Variants in STAU2 observed in about 807,000 individuals in gnomAD.
STAU2 encodes double-stranded RNA-binding protein Staufen homolog 2.
STAU2 carries 20 observed loss-of-function variants against 65.9 expected under a neutral mutation model. That is an observed-to-expected ratio of 0.30 (90% CI 0.21 to 0.44). The LOEUF (loss-of-function observed/expected upper bound fraction) is 0.44. Among genes scored for constraint, STAU2 ranks in the 20% least tolerant of loss-of-function variants. The pLI is 1.00. For missense variants in STAU2, 558 were observed against 683.9 expected (o/e 0.82, Z 2.05); for synonymous variants, 232 against 233.9 (o/e 0.99, Z 0.07).
intron 13 of STAU2, 42 bp downstream of exon 13, chr8:73,551,970 T>C: frequency 3.3e-6 from 5 of 1,520,804 alleles, no homozygotes; most frequent in Non-Finnish European, 4.4e-6. Flanking sequence ...AATCTGAGGC[T>C]AATGAATTGT....
At chr8:73,649,924 C>T (rs1259503772) in intron 6 of STAU2, among the ~76,000 whole-genome samples, 1 of 124,230 alleles carries the variant, frequency 8.0e-6, no homozygotes, top group Non-Finnish European at 1.6e-5. Context: ...AAAGATAGCA[C>T]AGAGTTCCCA....
intron 13 of STAU2, among the ~76,000 whole-genome samples, chr8:73,424,060 C>G (rs146204680): frequency 8.6e-5 from 13 of 151,928 alleles, no homozygotes; most frequent in Admixed American, 6.6e-4. Context: ...CACCTCCCCC[C>G]ACCCCCACCA....
intron 6 of STAU2, among the ~76,000 whole-genome samples, chr8:73,633,336 C>T (rs1814242459): frequency 6.6e-6 from 1 of 152,136 alleles, no homozygotes; most frequent in Admixed American, 6.5e-5. Flanking sequence ...CCACAGCACC[C>T]CCTAACCTCA....
At chr8:73,629,385 G>A (rs980824573) in intron 6 of STAU2, among the ~76,000 whole-genome samples, 2 of 152,104 alleles carry the variant, frequency 1.3e-5, no homozygotes, top group Non-Finnish European at 2.9e-5. Context: ...CCAAGGAATA[G>A]GTATGTTTAA....
intron 12 of STAU2, among the ~76,000 whole-genome samples, chr8:73,564,739 T>C (rs1273495455): frequency 6.6e-6 from 1 of 152,210 alleles, no homozygotes; most frequent in Non-Finnish European, 1.5e-5. Flanking sequence ...TTTGTTATAA[T>C]ATTGATGAGA....
At chr8:73,481,528 A>AACCAAAAAAAACC (rs1554595570) in intron 13 of STAU2, among the ~76,000 whole-genome samples, 1 of 145,356 alleles carries the variant, frequency 6.9e-6, no homozygotes, top group African/African-American at 2.5e-5. Flanking sequence ...AAAAAAAAAA[A>AACCAAAAAAAACC]CACTTTTTTT....
chr8:73,644,653 CA>C (rs1222996472), intron 6 of STAU2, among the ~76,000 whole-genome samples: 2 of 151,956 alleles, frequency 1.3e-5, no homozygotes, highest in Non-Finnish European at 2.9e-5. Flanking sequence ...AGCAATTAAA[CA>C]AAATCTTGGT....
Position 73,425,100 on chromosome 8 carries a change from G to A in STAU2, c.1531-2398C>T, listed in dbSNP as rs149739966. ...GTGGGAGCTGTGTGGCCATCTCCCT[G>A]GATACTGTTATAGGTCGAATTGTGC... On this transcript the variant is annotated intron_variant, in intron 13 of 14. Transcript: ENST00000524300. Among the ~76,000 whole-genome samples, 964 of 152,192 alleles carry A rather than the reference G, an allele frequency of 6.3e-3. 6 individuals carry two copies. The highest frequency in any genetic ancestry group is 6.8e-3 in the Middle Eastern group (2 of 292).
At chr8:73,550,027 T>C in intron 13 of STAU2, 1 of 985,586 alleles carries the variant, frequency 1.0e-6, no homozygotes, top group Non-Finnish European at 1.2e-6. Context: ...GAAGATGGGC[T>C]ATGCATGTGG....
At chr8:73,710,415 C>T (rs1820811024) in intron 3 of STAU2, among the ~76,000 whole-genome samples, 1 of 147,644 alleles carries the variant, frequency 6.8e-6, no homozygotes, top group African/African-American at 2.5e-5. Flanking sequence ...CCAACTTTTC[C>T]TTTTATGGTC....
rs555274380 is a variant in STAU2, at chr8:73,579,019, G to A, written c.1222+3751C>T. ...CAAAAAAACCAAAAAAACACTAGAGGTTCTAAATATAGTACATAGCATTTG... is the reference window on the plus strand; with the variant it reads ...CAAAAAAACCAAAAAAACACTAGAGATTCTAAATATAGTACATAGCATTTG... On this transcript the variant is annotated intron_variant, in intron 12 of 14. Coordinates refer to ENST00000524300, the MANE Select transcript of STAU2 (RefSeq NM_001164380.2). 3.1e-4 allele frequency among the ~76,000 whole-genome samples: 41 copies of A among 134,200 alleles called. No individual in the cohort carries two copies. In the South Asian group the frequency reaches 9.1e-3, roughly 30 times the overall value. 88.0% of individuals were successfully genotyped at this position (134,200 alleles called of 152,430 possible).
At chr8:73,681,251 G>A (rs1174987522) in intron 5 of STAU2, among the ~76,000 whole-genome samples, 3 of 152,050 alleles carry the variant, frequency 2.0e-5, no homozygotes, top group Admixed American at 1.3e-4. Flanking sequence ...AAACCTATCC[G>A]ATAAATAGCA....
At chr8:73,471,808 G>C (rs1472941032) in intron 13 of STAU2, among the ~76,000 whole-genome samples, 1 of 59,604 alleles carries the variant, frequency 1.7e-5, no homozygotes, top group Non-Finnish European at 3.7e-5. Context: ...ACAAGGGCGA[G>C]ACTCCAACTA....
At chr8:73,537,465 G>C (rs1806256685) in intron 13 of STAU2, among the ~76,000 whole-genome samples, 2 of 152,160 alleles carry the variant, frequency 1.3e-5, no homozygotes, top group Admixed American at 6.5e-5. Flanking sequence ...GAAAAATCTT[G>C]AAAGAAGTGA....
intron 13 of STAU2, among the ~76,000 whole-genome samples, chr8:73,512,736 C>T (rs1822481072): frequency 6.6e-6 from 1 of 152,044 alleles, no homozygotes. Flanking sequence ...TTGCTTCTTC[C>T]TTTCAAAGCT....
At chr8:73,476,891 T>C (rs572305888) in intron 13 of STAU2, among the ~76,000 whole-genome samples, 5 of 152,196 alleles carry the variant, frequency 3.3e-5, no homozygotes, top group East Asian at 1.9e-4. Context: ...CTAGGTACCA[T>C]AGAAATGTCA....
At chr8:73,560,940 T>C (rs901410362) in intron 12 of STAU2, among the ~76,000 whole-genome samples, 1 of 152,190 alleles carries the variant, frequency 6.6e-6, no homozygotes, top group Admixed American at 6.5e-5. Context: ...AAATGGAAAG[T>C]ATTTAATAAC....
chr8:73,632,405 T>C (rs1351784334), intron 6 of STAU2, among the ~76,000 whole-genome samples: 1 of 152,156 alleles, frequency 6.6e-6, no homozygotes, highest in Non-Finnish European at 1.5e-5. Flanking sequence ...GGAATCAACA[T>C]GGAGAATTCT....
chr8:73,432,814 A>G (rs1727429199), intron 13 of STAU2, among the ~76,000 whole-genome samples: 2 of 152,204 alleles, frequency 1.3e-5, no homozygotes, highest in Admixed American at 1.3e-4. Context: ...TACCCTTGGA[A>G]CAAAGGAGCA....
Sources: allele counts gnomAD v4.1 joint callset (sites outside exome capture counted in the v4.1 genomes callset), GRCh38; gene constraint gnomAD v4.1.1; transcripts MANE v1.5; gene names NCBI Gene and HGNC (gene_info 2026-07-23, HGNC 2026-07-21).